Variants in PCDHA4 observed in about 807,000 individuals in gnomAD.
PCDHA4 encodes protocadherin alpha-4.
Under a neutral mutation model 61.4 loss-of-function variants are expected in PCDHA4, and 49 were observed. That is an observed-to-expected ratio of 0.80 (90% confidence interval 0.63 to 1.01). The LOEUF (loss-of-function observed/expected upper bound fraction) is 1.01. Ranked by LOEUF, PCDHA4 falls within the 50% of genes least tolerant of loss-of-function variation. PCDHA4 has a pLI of 0.00. For synonymous variants in PCDHA4, 590 were observed against 550.3 expected (o/e 1.07, Z -1.01); for missense variants, 1,254 against 1,235.8 (o/e 1.01, Z -0.22).
At chr5:140,833,425 G>A (rs2150208347) in intron 1 of PCDHA4, among the ~76,000 whole-genome samples, 8,936 of 152,186 alleles carry the variant, frequency 0.059, 863 homozygotes, top group African/African-American at 0.2. Flanking sequence ...TATGTGAGAT[G>A]GCTGAGCACT....
intron 3 of PCDHA4, among the ~76,000 whole-genome samples, chr5:140,986,380 G>T (rs1554247980): frequency 6.6e-6 from 1 of 152,130 alleles, no homozygotes; most frequent in African/African-American, 2.4e-5. Flanking sequence ...TGGGGGGAGG[G>T]ACATTAAAGG....
chr5:140,849,258 G>A lies in PCDHA4; in HGVS notation c.2385+39686G>A, dbSNP rs2150433835. 190 of 1,110,896 alleles carry A rather than the reference G, an allele frequency of 1.7e-4. 6 individuals carry two copies. Among genetic ancestry groups the A allele is most frequent in the Admixed American group, 3.3e-4 (12 of 36,734 alleles). 68.8% of individuals were successfully genotyped at this position (1,110,896 alleles called of 1,614,324 possible). A position where few individuals can be genotyped will look rare whatever the true frequency, so the allele number is the denominator to read the frequency against. Reference sequence around the variant, plus strand: ...GTATACGGTGAAATTACCAGAAAACGTTTCTATCGGAACGCTGGTGATTCA... The same window carrying A: ...GTATACGGTGAAATTACCAGAAAACATTTCTATCGGAACGCTGGTGATTCA... On this transcript the variant is annotated intron_variant, in intron 1 of 3. Transcript: ENST00000530339.
At chr5:140,822,922 C>A in intron 1 of PCDHA4, 1 of 1,614,270 alleles carries the variant, frequency 6.2e-7, no homozygotes, top group Non-Finnish European at 8.5e-7. Flanking sequence ...TGCCAACGGG[C>A]AGGTGACCTG....
chr5:140,821,588 C>T, intron 1 of PCDHA4: 3 of 650,426 alleles, frequency 4.6e-6, no homozygotes, highest in Middle Eastern at 4.2e-4. Context: ...TTCTCCCTTC[C>T]CAGCCTCAAA....
chr5:140,891,970 C>G (rs1554185021), intron 1 of PCDHA4, among the ~76,000 whole-genome samples: 1 of 152,170 alleles, frequency 6.6e-6, no homozygotes, highest in East Asian at 1.9e-4. Flanking sequence ...AGTAAATTTC[C>G]GTTCTCATAA....
At chr5:141,003,663 A>G (rs1298864445) in intron 3 of PCDHA4, among the ~76,000 whole-genome samples, 4 of 152,204 alleles carry the variant, frequency 2.6e-5, no homozygotes, top group Non-Finnish European at 5.9e-5. Flanking sequence ...CATTTATTAA[A>G]ATATATGTTG....
At chr5:140,994,065 T>A (rs1563596985) in intron 3 of PCDHA4, among the ~76,000 whole-genome samples, 1 of 152,092 alleles carries the variant, frequency 6.6e-6, no homozygotes, top group Non-Finnish European at 1.5e-5. Context: ...ATAAATCTAA[T>A]GGTGAAGGGA....
At chr5:140,889,733 A>T (rs192682337) in intron 1 of PCDHA4, among the ~76,000 whole-genome samples, 1 of 152,316 alleles carries the variant, frequency 6.6e-6, no homozygotes, top group Admixed American at 6.5e-5. Context: ...CTCACTGAGT[A>T]GCAGAGTCTA....
intron 1 of PCDHA4, chr5:140,853,828 C>T: frequency 2.0e-6 from 2 of 986,484 alleles, no homozygotes; most frequent in South Asian, 9.5e-5. Flanking sequence ...TCTCATACAA[C>T]CGAAATTTTA....
At chr5:140,863,313 G>C (rs782656693) in intron 1 of PCDHA4, 5 of 1,460,034 alleles carry the variant, frequency 3.4e-6, no homozygotes, top group Non-Finnish European at 4.6e-6. Flanking sequence ...TCTGCGTGGT[G>C]TCCAGCCTGT....
chr5:140,828,537 A>C, intron 1 of PCDHA4: 4 of 1,614,236 alleles, frequency 2.5e-6, no homozygotes, highest in Non-Finnish European at 3.4e-6. Context: ...AGGCTGCCAG[A>C]TTCTGTGTTT....
At chr5:140,946,237 A>C (rs540442862) in intron 1 of PCDHA4, among the ~76,000 whole-genome samples, 8 of 152,268 alleles carry the variant, frequency 5.3e-5, no homozygotes, top group African/African-American at 1.9e-4. Context: ...AAAAATGCTC[A>C]ACATCATGAA....
intron 1 of PCDHA4, among the ~76,000 whole-genome samples, chr5:140,844,305 T>C (rs1779315965): frequency 1.3e-5 from 2 of 149,704 alleles, no homozygotes; most frequent in Non-Finnish European, 3.0e-5. Context: ...ATAGTTTTCA[T>C]ATTCTTCCTA....
rs151249575 is a variant in PCDHA4, at chr5:140,920,220, T to TTATA, written c.2386-58728_2386-58725dup. 8.8e-3 allele frequency among the ~76,000 whole-genome samples: 1,344 copies of TTATA among 152,322 alleles called. 13 individuals carry two copies. The highest frequency in any genetic ancestry group is 0.031 in the African/African-American group (1,300 of 41,558). On this transcript the variant is annotated intron_variant, in intron 1 of 3. Coordinates refer to ENST00000530339, the MANE Select transcript of PCDHA4 (RefSeq NM_018907.4). ...GCAGCCACAGAAAACCAATGCACAT[T>TTATA]TATAGTATTATATACCCAACAATAC...
rs1777904033 is a variant in PCDHA4, at chr5:140,842,379, C to G, written c.2385+32807C>G. 1.9e-6 allele frequency: 3 copies of G among 1,609,878 alleles called. No individual in the cohort carries two copies. In the Admixed American group the frequency reaches 5.0e-5, roughly 27 times the overall value. On this transcript the variant is annotated intron_variant, in intron 1 of 3. Coordinates refer to ENST00000530339, the MANE Select transcript of PCDHA4 (RefSeq NM_018907.4). Reference sequence around the variant, plus strand: ...GATAACGTCCCTGAGATAGCACTGACTTCCTTATCCTTGCCTGTACGTGAA... The same window carrying G: ...GATAACGTCCCTGAGATAGCACTGAGTTCCTTATCCTTGCCTGTACGTGAA...
intron 1 of PCDHA4, among the ~76,000 whole-genome samples, chr5:140,902,174 T>C (rs1191904492): frequency 1.3e-5 from 2 of 151,720 alleles, no homozygotes; most frequent in Non-Finnish European, 2.9e-5. Context: ...AATTTGGATG[T>C]CCTTTATGTC....
chr5:140,956,644 C>G (rs2095298403), intron 1 of PCDHA4, among the ~76,000 whole-genome samples: 1 of 152,096 alleles, frequency 6.6e-6, no homozygotes, highest in Non-Finnish European at 1.5e-5. Flanking sequence ...GTTTTGGTAT[C>G]AGGATGATGC....
chr5:140,926,034 G>A (rs782564671), intron 1 of PCDHA4, among the ~76,000 whole-genome samples: 1 of 152,158 alleles, frequency 6.6e-6, no homozygotes, highest in Non-Finnish European at 1.5e-5. Context: ...GTTTGATGCG[G>A]ACACTATTCC....
chr5:140,893,249 T>A (rs1317089236), intron 1 of PCDHA4, among the ~76,000 whole-genome samples: 2 of 152,220 alleles, frequency 1.3e-5, no homozygotes, highest in African/African-American at 4.8e-5. Context: ...TTTCCTTTTC[T>A]TTGGATAAAT....
Sources: allele counts gnomAD v4.1 joint callset (sites outside exome capture counted in the v4.1 genomes callset), GRCh38; gene constraint gnomAD v4.1.1; transcripts MANE v1.5; gene names NCBI Gene and HGNC (gene_info 2026-07-23, HGNC 2026-07-21).